Variants in SGCZ observed in about 807,000 individuals in gnomAD.
SGCZ encodes the protein sarcoglycan zeta, also known as zeta-sarcoglycan.
Under a neutral mutation model 41.3 loss-of-function variants are expected in SGCZ, and 40 were observed. The observed-to-expected ratio is 0.97, with a 90% CI of 0.75 to 1.26. The LOEUF (loss-of-function observed/expected upper bound fraction) is 1.26. Among genes scored for constraint, SGCZ ranks in the 50% most tolerant of loss-of-function variants. The probability of loss-of-function intolerance (pLI) is 0.00; values close to 1 mark genes in which losing one functional copy is unlikely to be tolerated. For synonymous variants in SGCZ, 206 were observed against 137.5 expected (o/e 1.50, Z -3.49); for missense variants, 552 against 369.8 (o/e 1.49, Z -4.04).
At chr8:14,710,582 T>C (rs1809484728) in intron 1 of SGCZ, among the ~76,000 whole-genome samples, 1 of 152,082 alleles carries the variant, frequency 6.6e-6, no homozygotes, top group South Asian at 2.1e-4. Context: ...TTTGTTAGTA[T>C]AATAATTATA....
chr8:15,029,594 T>C (rs572945768), intron 1 of SGCZ, among the ~76,000 whole-genome samples: 6 of 152,226 alleles, frequency 3.9e-5, no homozygotes, highest in African/African-American at 1.4e-4. Context: ...TAACAATGTA[T>C]GTTAAATAAA....
chr8:14,979,052 G>A (rs1273749441), intron 1 of SGCZ, among the ~76,000 whole-genome samples: 1 of 152,116 alleles, frequency 6.6e-6, no homozygotes, highest in Non-Finnish European at 1.5e-5. Context: ...ACCTGCCTCA[G>A]CCTTCCAAAG....
At chr8:14,730,417 C>T (rs1321476130) in intron 1 of SGCZ, among the ~76,000 whole-genome samples, 2 of 151,994 alleles carry the variant, frequency 1.3e-5, no homozygotes, top group East Asian at 3.9e-4. Flanking sequence ...GATTAGAATA[C>T]TAAAGTGCAA....
chr8:14,381,351 T>G (rs887386116), intron 2 of SGCZ, among the ~76,000 whole-genome samples: 2 of 152,218 alleles, frequency 1.3e-5, no homozygotes, highest in Non-Finnish European at 2.9e-5. Context: ...AATCAGAAAT[T>G]ATTCAGGTCC....
intron 1 of SGCZ, among the ~76,000 whole-genome samples, chr8:14,865,234 C>T (rs1479755964): frequency 2.0e-5 from 3 of 152,040 alleles, no homozygotes; most frequent in African/African-American, 2.4e-5. Context: ...CAACGTCCTG[C>T]GTCCAGGTCT....
intron 1 of SGCZ, among the ~76,000 whole-genome samples, chr8:14,913,867 G>T (rs1799350234): frequency 6.6e-6 from 1 of 152,026 alleles, no homozygotes; most frequent in African/African-American, 2.4e-5. Context: ...AAGAATCTAT[G>T]CAGCTCTCTG....
At chr8:14,467,305 C>T (rs564358011) in intron 2 of SGCZ, among the ~76,000 whole-genome samples, 6 of 152,044 alleles carry the variant, frequency 3.9e-5, no homozygotes, top group South Asian at 4.1e-4. Context: ...CTTTTAATTC[C>T]GTGAAAGTCA....
At chr8:15,132,874 C>A (rs564545841) in intron 1 of SGCZ, among the ~76,000 whole-genome samples, 4 of 152,310 alleles carry the variant, frequency 2.6e-5, no homozygotes, top group African/African-American at 9.6e-5. Context: ...GGCACAGGAA[C>A]CCATGCCTGT....
rs540574749 is a variant in SGCZ at position 14,660,941 on chromosome 8, A to C, written c.40-106015T>G. 2.0e-5 allele frequency among the ~76,000 whole-genome samples: 3 copies of C among 152,304 alleles called. No homozygotes were observed. In the South Asian group the frequency reaches 6.2e-4, roughly 32 times the overall value. On this transcript the variant is annotated intron_variant, in intron 1 of 7. Coordinates refer to ENST00000382080, the MANE Select transcript of SGCZ (RefSeq NM_139167.4). The stretch of plus-strand genomic sequence containing the variant: ...GTTTAGGCTCAAATCTGAAGAATTT[A>C]CTCAGGATAGCAAGTATGCACATGA...
At chr8:15,087,593 C>A (rs909930068) in intron 1 of SGCZ, among the ~76,000 whole-genome samples, 1 of 152,112 alleles carries the variant, frequency 6.6e-6, no homozygotes, top group Non-Finnish European at 1.5e-5. Flanking sequence ...GAGAATAAAT[C>A]TCTTAGACAT....
At chr8:15,034,853 G>C (rs1028300750) in intron 1 of SGCZ, among the ~76,000 whole-genome samples, 1 of 152,054 alleles carries the variant, frequency 6.6e-6, no homozygotes, top group African/African-American at 2.4e-5. Context: ...TATTGTATCT[G>C]GCAAAAATAT....
intron 1 of SGCZ, among the ~76,000 whole-genome samples, chr8:15,136,195 G>A (rs532572956): frequency 1.3e-5 from 2 of 152,138 alleles, no homozygotes; most frequent in Admixed American, 6.5e-5. Flanking sequence ...GTAGAGTCCT[G>A]CCTCCTACCT....
At chr8:15,209,521 T>C (rs943908634) in intron 1 of SGCZ, among the ~76,000 whole-genome samples, 6 of 122,886 alleles carry the variant, frequency 4.9e-5, no homozygotes, top group African/African-American at 1.7e-4. Context: ...TCAGCTTGTG[T>C]TAAATACCTA....
At chr8:14,946,304 G>A (rs11775285) in intron 1 of SGCZ, among the ~76,000 whole-genome samples, 5,356 of 151,084 alleles carry the variant, frequency 0.035, 125 homozygotes, top group East Asian at 0.087. Context: ...CATTGGGCTC[G>A]TTCTCTCATA....
chr8:14,993,848 C>T (rs186837568), intron 1 of SGCZ, among the ~76,000 whole-genome samples: 1 of 152,294 alleles, frequency 6.6e-6, no homozygotes, highest in Non-Finnish European at 1.5e-5. Flanking sequence ...TTTTTCTCCA[C>T]ATGAGTTAGG....
At chr8:14,244,168 CT>C (rs1798994387) in intron 3 of SGCZ, among the ~76,000 whole-genome samples, 2 of 150,082 alleles carry the variant, frequency 1.3e-5, no homozygotes, top group African/African-American at 2.4e-5. Context: ...TTCCTTCTTC[CT>C]CCTCCTCTTC....
At chr8:15,130,849 C>T (rs1031635975) in intron 1 of SGCZ, among the ~76,000 whole-genome samples, 4 of 152,112 alleles carry the variant, frequency 2.6e-5, no homozygotes, top group Admixed American at 2.6e-4. Context: ...AAAATCACTA[C>T]AAAATCTATA....
At chr8:15,229,092 T>G (rs1355276090) in intron 1 of SGCZ, among the ~76,000 whole-genome samples, 2 of 152,062 alleles carry the variant, frequency 1.3e-5, no homozygotes, top group African/African-American at 4.8e-5. Flanking sequence ...TTCAGGAGGC[T>G]GAGGTGGGAG....
Position 14,961,164 on chromosome 8 carries a change from A to G in SGCZ, c.39+276421T>C, listed in dbSNP as rs562006699. On this transcript the variant is annotated intron_variant, in intron 1 of 7. Transcript: ENST00000382080. Reference sequence around the variant, plus strand: ...AGCCTATGGGTACTTTTTGTCTGCTAATGAGCTTAAACAATCTGCTGACCT... The same window carrying G: ...AGCCTATGGGTACTTTTTGTCTGCTGATGAGCTTAAACAATCTGCTGACCT... Among the ~76,000 whole-genome samples the G allele has an allele frequency of 2.6e-5, 4 of 152,220 alleles. No homozygotes were observed. In the South Asian group the frequency reaches 8.3e-4, roughly 32 times the overall value.
Sources: allele counts gnomAD v4.1 joint callset (sites outside exome capture counted in the v4.1 genomes callset), GRCh38; gene constraint gnomAD v4.1.1; transcripts MANE v1.5; gene names NCBI Gene and HGNC (gene_info 2026-07-23, HGNC 2026-07-21).